FAT3: variants seen among roughly 807,000 people sequenced by gnomAD.
FAT3 encodes FAT atypical cadherin 3, also known as protocadherin Fat 3.
FAT3 carries 95 observed loss-of-function variants against 310.2 expected under a neutral mutation model. That is an observed-to-expected ratio of 0.31 (90% CI 0.26 to 0.36). The LOEUF (loss-of-function observed/expected upper bound fraction) is 0.36, where lower values mean the gene tolerates loss of function less well. Ranked by LOEUF, FAT3 falls within the 10% of genes least tolerant of loss-of-function variation. FAT3 has a pLI of 1.00. For synonymous variants in FAT3, 2,314 were observed against 2,192.9 expected, an observed-to-expected ratio of 1.06 and a Z score of -1.54; for missense variants, 5,408 against 5,715.6, an observed-to-expected ratio of 0.95 and a Z score of 1.74.
At chr11:92,562,386 G>A (rs138533363) in intron 3 of FAT3, among the ~76,000 whole-genome samples, 3 of 152,070 alleles carry the variant, frequency 2.0e-5, no homozygotes, top group Admixed American at 6.5e-5. Context: ...AGATAAATAC[G>A]TACGGATTTT....
At chr11:92,792,694 C>A (rs1423756135) in intron 8 of FAT3, 73 bp from the exon 9 acceptor site, 2 of 1,456,538 alleles carry the variant, frequency 1.4e-6, no homozygotes, top group South Asian at 1.2e-5. Context: ...TTTGTTTTCA[C>A]CCCAAACATA....
At chr11:92,447,289 GCTGA>G (rs111615995) in intron 2 of FAT3, among the ~76,000 whole-genome samples, 4,845 of 149,228 alleles carry the variant, frequency 0.032, 89 homozygotes, top group African/African-American at 0.037. Context: ...TCAGAGTTAG[GCTGA>G]CTTAGACCAA....
At chr11:92,730,800 T>C (rs1945153250) in intron 4 of FAT3, among the ~76,000 whole-genome samples, 1 of 152,234 alleles carries the variant, frequency 6.6e-6, no homozygotes, top group Admixed American at 6.5e-5. Flanking sequence ...CATTTATGTC[T>C]TGAGACTATT....
rs149857591 is a variant in FAT3, at chr11:92,247,088, A to G, written c.-18+21914A>G. 3.9e-4 allele frequency among the ~76,000 whole-genome samples: 60 copies of G among 152,206 alleles called. 1 individual carries two copies. In the East Asian group the frequency reaches 9.3e-3, roughly 24 times the overall value. The stretch of plus-strand genomic sequence containing the variant: ...ATTACTAGAGAGGTTGGGATGTCTC[A>G]GTGATTCCAGCGACGTGGCAGTTCC... On this transcript the variant is annotated intron_variant, in intron 1 of 27. Transcript: ENST00000525166.
At chr11:92,255,108 T>G (rs981018367) in intron 1 of FAT3, among the ~76,000 whole-genome samples, 5 of 152,126 alleles carry the variant, frequency 3.3e-5, no homozygotes, top group African/African-American at 9.7e-5. Flanking sequence ...ACTTTGCCTT[T>G]GCGGAAGCTA....
intron 2 of FAT3, among the ~76,000 whole-genome samples, chr11:92,365,958 A>G (rs1949009667): frequency 6.6e-6 from 1 of 152,236 alleles, no homozygotes; most frequent in Non-Finnish European, 1.5e-5. Context: ...TGTAACACAT[A>G]CACTAAAGTC....
chr11:92,303,256 G>A (rs1421821394), intron 1 of FAT3, among the ~76,000 whole-genome samples: 1 of 151,942 alleles, frequency 6.6e-6, no homozygotes, highest in Admixed American at 6.6e-5. Flanking sequence ...TAAATTTGGA[G>A]GTACCATTTA....
intron 9 of FAT3, among the ~76,000 whole-genome samples, chr11:92,794,629 T>G (rs748927684): frequency 6.6e-6 from 1 of 152,226 alleles, no homozygotes; most frequent in African/African-American, 2.4e-5. Flanking sequence ...TACAGCATGG[T>G]GCCCAGTCGT....
At chr11:92,555,128 G>A (rs1351541654) in intron 3 of FAT3, among the ~76,000 whole-genome samples, 4 of 152,154 alleles carry the variant, frequency 2.6e-5, no homozygotes, top group African/African-American at 9.7e-5. Flanking sequence ...TCTAGGACTA[G>A]TTGGTGCTTT....
At chr11:92,497,145 G>A (rs942102185) in intron 2 of FAT3, among the ~76,000 whole-genome samples, 1 of 151,874 alleles carries the variant, frequency 6.6e-6, no homozygotes, top group African/African-American at 2.4e-5. Context: ...TAGACGCCTG[G>A]GCTTCCCCTT....
intron 1 of FAT3, among the ~76,000 whole-genome samples, chr11:92,315,479 GTATATATATATATATATATATATA>G (rs1168085335): frequency 1.5e-5 from 1 of 65,188 alleles, no homozygotes; most frequent in Non-Finnish European, 3.0e-5. Flanking sequence ...GTGTGTGTGT[GTATATATATATATATATATATATA>G]TATATATATA....
chr11:92,475,834 A>G (rs1952037030), intron 2 of FAT3, among the ~76,000 whole-genome samples: 1 of 152,158 alleles, frequency 6.6e-6, no homozygotes, highest in Non-Finnish European at 1.5e-5. Context: ...ATCAAATATA[A>G]ATTTAAATTT....
intron 2 of FAT3, among the ~76,000 whole-genome samples, chr11:92,435,958 A>G (rs1950929103): frequency 6.6e-6 from 1 of 152,158 alleles, no homozygotes; most frequent in South Asian, 2.1e-4. Flanking sequence ...TAAATCATCC[A>G]TGTGGCCAAT....
chr11:92,666,582 G>A (rs564829333), intron 3 of FAT3, among the ~76,000 whole-genome samples: 27 of 150,020 alleles, frequency 1.8e-4, no homozygotes, highest in African/African-American at 5.9e-4. Flanking sequence ...GGATGGTCTC[G>A]ATCTCCTGAC....
rs145824923 is a variant in FAT3 at position 92,831,092 on chromosome 11, A to C, written c.9482-530A>C. 2.9e-3 allele frequency among the ~76,000 whole-genome samples: 442 copies of C among 151,982 alleles called. 3 individuals are homozygous for C. The highest frequency in any genetic ancestry group is 9.6e-3 in the African/African-American group (397 of 41,436). On this transcript the variant is annotated intron_variant, in intron 13 of 27. Transcript: ENST00000525166. The stretch of plus-strand genomic sequence containing the variant: ...GAGGGATCCTGTTAAAATCTACATC[A>C]CATCTCATGACTCCCATCTCACAGC...
At chr11:92,410,719 T>G (rs1950238242) in intron 2 of FAT3, among the ~76,000 whole-genome samples, 1 of 152,090 alleles carries the variant, frequency 6.6e-6, no homozygotes, top group Non-Finnish European at 1.5e-5. Context: ...AGACTTCAAC[T>G]GCAACCAGCA....
At chr11:92,773,794 T>C (rs781376363) in intron 6 of FAT3, among the ~76,000 whole-genome samples, 5 of 152,188 alleles carry the variant, frequency 3.3e-5, no homozygotes, top group Non-Finnish European at 5.9e-5. Context: ...ACTCTAACAT[T>C]ACTGCTGAGG....
chr11:92,581,448 T>C (rs1271685371), intron 3 of FAT3, among the ~76,000 whole-genome samples: 1 of 152,060 alleles, frequency 6.6e-6, no homozygotes, highest in East Asian at 1.9e-4. Context: ...CTCCTTACTC[T>C]CATTTTTTTT....
At chr11:92,856,408 CT>C (rs1039845488) in intron 19 of FAT3, among the ~76,000 whole-genome samples, 1 of 152,156 alleles carries the variant, frequency 6.6e-6, no homozygotes, top group Non-Finnish European at 1.5e-5. Context: ...ATGTGAAATA[CT>C]CAGGACCTTT....
Sources: gnomAD v4.1 joint callset for allele counts (sites outside exome capture counted in the v4.1 genomes callset) on GRCh38, gnomAD v4.1.1 for gene constraint, MANE v1.5 for transcripts, NCBI Gene and HGNC (gene_info 2026-07-23, HGNC 2026-07-21) for gene names.